The following PXDNL variants were observed in gnomAD, a reference collection of about 807,000 sequenced individuals.
PXDNL encodes probable oxidoreductase PXDNL.
Under a neutral mutation model 150.8 loss-of-function variants are expected in PXDNL, and 145 were observed. The ratio of observed to expected loss-of-function variants is 0.96; its 90% confidence interval spans 0.84 to 1.10. The LOEUF is 1.10. PXDNL is among the 50% of genes least tolerant of loss of function. The pLI, the probability that PXDNL is intolerant of heterozygous loss-of-function variation, is 0.00. For synonymous variants in PXDNL, 757 were observed against 725.7 expected (o/e 1.04, Z -0.69); for missense variants, 2,087 against 1,873.9 (o/e 1.11, Z -2.10).
intron 5 of PXDNL, among the ~76,000 whole-genome samples, chr8:51,493,259 A>G (rs1585521345): frequency 2.6e-5 from 4 of 152,164 alleles, no homozygotes. Flanking sequence ...CAGAAAGGAC[A>G]TCTACACCAA....
chr8:51,739,393 A>C (rs1007163823), intron 1 of PXDNL, among the ~76,000 whole-genome samples: 5 of 152,180 alleles, frequency 3.3e-5, no homozygotes, highest in African/African-American at 1.2e-4. Flanking sequence ...ATTCATGATA[A>C]GTATCAGAAG....
At chr8:51,474,894 T>C (rs2130116477) in intron 7 of PXDNL, 78 bp downstream of exon 7, 3 of 1,207,800 alleles carry the variant, frequency 2.5e-6, no homozygotes, top group Non-Finnish European at 3.4e-6. Flanking sequence ...TAAAATGCAA[T>C]ATTATATAAT....
At chr8:51,446,334 T>G (rs534403347) in intron 12 of PXDNL, among the ~76,000 whole-genome samples, 22 of 152,358 alleles carry the variant, frequency 1.4e-4, no homozygotes, top group South Asian at 1.2e-3. Flanking sequence ...AAAGCAGTGC[T>G]GAAAACGCAG....
intron 15 of PXDNL, among the ~76,000 whole-genome samples, chr8:51,412,661 T>A (rs542616479): frequency 2.0e-5 from 3 of 152,344 alleles, no homozygotes; most frequent in African/African-American, 7.2e-5. Flanking sequence ...TGTTAATGCA[T>A]CCTGATGTTA....
At chr8:51,703,904 A>C (rs1816309369) in intron 1 of PXDNL, among the ~76,000 whole-genome samples, 2 of 152,258 alleles carry the variant, frequency 1.3e-5, no homozygotes, top group Admixed American at 1.3e-4. Context: ...AGAGCAAAGC[A>C]GTATAAAATT....
rs538435397 is a variant in PXDNL, at chr8:51,715,083, A to G, written c.165-60323T>C. Among the ~76,000 whole-genome samples, 18 of 152,330 alleles carry G rather than the reference A, an allele frequency of 1.2e-4. No individual in the cohort carries two copies. In the South Asian group the frequency reaches 3.5e-3, roughly 30 times the overall value. On this transcript the variant is annotated intron_variant, in intron 1 of 22. Transcript: ENST00000356297. ...AGGCCTCTGTTGCTTCTTAAAAGATAAATATTAAATGTAGTATATATCTGA... is the reference window on the plus strand; with the variant it reads ...AGGCCTCTGTTGCTTCTTAAAAGATGAATATTAAATGTAGTATATATCTGA...
At chr8:51,556,231 T>G (rs1812597285) in intron 4 of PXDNL, among the ~76,000 whole-genome samples, 3 of 151,896 alleles carry the variant, frequency 2.0e-5, no homozygotes, top group South Asian at 2.1e-4. Context: ...ACAACTGCAC[T>G]CCAGTCTGGG....
At chr8:51,341,586 A>T (rs1236774459) in intron 20 of PXDNL, among the ~76,000 whole-genome samples, 2 of 151,848 alleles carry the variant, frequency 1.3e-5, no homozygotes, top group Non-Finnish European at 1.5e-5. Flanking sequence ...CATAAGTAAA[A>T]CTCTTTACTC....
At chr8:51,632,123 G>C (rs1258787883) in intron 2 of PXDNL, among the ~76,000 whole-genome samples, 1 of 151,356 alleles carries the variant, frequency 6.6e-6, no homozygotes, top group Non-Finnish European at 1.5e-5. Flanking sequence ...CAAACAACAG[G>C]GCCCCAAATT....
At chr8:51,627,671 A>G (rs1814392573) in intron 2 of PXDNL, among the ~76,000 whole-genome samples, 1 of 152,168 alleles carries the variant, frequency 6.6e-6, no homozygotes, top group Admixed American at 6.5e-5. Flanking sequence ...GTTTACAGCA[A>G]CAAAGCAAAG....
chr8:51,350,738 A>G (rs1806327672), intron 19 of PXDNL, among the ~76,000 whole-genome samples: 1 of 152,142 alleles, frequency 6.6e-6, no homozygotes, highest in Non-Finnish European at 1.5e-5. Context: ...GCCATGTTGG[A>G]TGGACTTGGC....
chr8:51,721,628 TATA>T (rs1401186974), intron 1 of PXDNL: 15 of 372,624 alleles, frequency 4.0e-5, no homozygotes, highest in Middle Eastern at 9.0e-4. Context: ...AAACTTAAAG[TATA>T]ATAATAATAA....
intron 1 of PXDNL, among the ~76,000 whole-genome samples, chr8:51,752,905 C>A (rs1021385599): frequency 6.6e-6 from 1 of 152,168 alleles, no homozygotes; most frequent in Non-Finnish European, 1.5e-5. Context: ...ATGGGGCATA[C>A]CCATGGGCAC....
intron 12 of PXDNL, among the ~76,000 whole-genome samples, chr8:51,433,190 C>CA (rs1470703998): frequency 6.7e-6 from 1 of 148,702 alleles, no homozygotes; most frequent in Non-Finnish European, 1.5e-5. Context: ...GCCTGGGTGA[C>CA]AGAGTAAGAC....
At chr8:51,429,687 CTT>C (rs5891411) in intron 12 of PXDNL, among the ~76,000 whole-genome samples, 117 of 125,336 alleles carry the variant, frequency 9.3e-4, no homozygotes, top group African/African-American at 1.5e-3. Flanking sequence ...TTTTTCCTTT[CTT>C]TTTTTTTTTT....
chr8:51,657,801 A>G (rs1815182683), intron 1 of PXDNL, among the ~76,000 whole-genome samples: 1 of 152,230 alleles, frequency 6.6e-6, no homozygotes, highest in Non-Finnish European at 1.5e-5. Context: ...TAAACTTATC[A>G]CTGGATTGAT....
rs760493571 is a variant in PXDNL at position 51,465,361 on chromosome 8, TA to T, written c.812+6825del. On this transcript the variant is annotated intron_variant, in intron 8 of 22. Transcript: ENST00000356297. Reference sequence around the variant, plus strand: ...TATAAAATCCAACATTCCTTCATGATAAAAAAAAAACCTCAACAAACTAGGC... The same window carrying T: ...TATAAAATCCAACATTCCTTCATGATAAAAAAAAACCTCAACAAACTAGGC... Among the ~76,000 whole-genome samples, 603 of 147,676 alleles carry T rather than the reference TA, an allele frequency of 4.1e-3. 2 individuals are homozygous for T. The highest frequency in any genetic ancestry group is 5.8e-3 in the African/African-American group (234 of 40,372).
At chr8:51,800,472 T>C (rs111235865) in intron 1 of PXDNL, among the ~76,000 whole-genome samples, 2 of 152,018 alleles carry the variant, frequency 1.3e-5, no homozygotes, top group Admixed American at 1.3e-4. Flanking sequence ...TTCCCCAAGG[T>C]GAGCTCTGAG....
chr8:51,551,457 T>C (rs969948020), intron 4 of PXDNL, among the ~76,000 whole-genome samples: 2 of 152,138 alleles, frequency 1.3e-5, no homozygotes, highest in Admixed American at 1.3e-4. Context: ...AACGGCATGG[T>C]ACTACTGGTA....
Sources: gnomAD v4.1 joint callset for allele counts (sites outside exome capture counted in the v4.1 genomes callset) on GRCh38, gnomAD v4.1.1 for gene constraint, MANE v1.5 for transcripts, NCBI Gene and HGNC (gene_info 2026-07-23, HGNC 2026-07-21) for gene names.